The following NTF3 variants were observed in gnomAD, a reference collection of about 807,000 sequenced individuals.
NTF3 encodes the protein neurotrophin 3.
Under a neutral mutation model 26.3 loss-of-function variants are expected in NTF3, and 8 were observed. The observed-to-expected ratio is 0.30, with a 90% confidence interval of 0.18 to 0.55. NTF3 has a LOEUF of 0.55. Ranked by LOEUF, NTF3 falls within the 20% of genes least tolerant of loss-of-function variation. The pLI is 0.93. For missense variants in NTF3, 276 were observed against 352.9 expected (o/e 0.78, Z 1.75); for synonymous variants, 154 against 145.5 (o/e 1.06, Z -0.42).
In NTF3 at chr12:5,456,852, G is replaced by C. The variant is rs1167029627; in HGVS notation, c.18+24510G>C. On this transcript the variant is annotated intron_variant, in intron 1 of 1. Coordinates refer to ENST00000423158, the MANE Select transcript of NTF3 (RefSeq NM_001102654.2). The surrounding 1 kb of genome is among the most constrained non-coding windows in gnomAD (Gnocchi z 4.4). Reference sequence around the variant, plus strand: ...AGTGATTTGGGCCCGAGTTGACCCAGAGTCCCTAAATGACTGCTGTGTAGC... The same window carrying C: ...AGTGATTTGGGCCCGAGTTGACCCACAGTCCCTAAATGACTGCTGTGTAGC... Among the ~76,000 whole-genome samples the C allele has an allele frequency of 6.6e-6, 1 of 152,206 alleles. No homozygotes were observed. Among genetic ancestry groups the C allele is most frequent in the Non-Finnish European group, 1.5e-5 (1 of 68,040 alleles).
At chr12:5,476,635 C>T (rs1246873658) in intron 1 of NTF3, among the ~76,000 whole-genome samples, 1 of 152,072 alleles carries the variant, frequency 6.6e-6, no homozygotes, top group Non-Finnish European at 1.5e-5. Context: ...ATAGCACACC[C>T]GTAGTAAGCT....
intron 1 of NTF3, among the ~76,000 whole-genome samples, chr12:5,474,566 C>T (rs375877089): frequency 3.9e-5 from 6 of 152,020 alleles, no homozygotes; most frequent in Non-Finnish European, 7.4e-5. Context: ...AGGAGCCAGA[C>T]GATGAAGGGC....
At chr12:5,438,816 T>C (rs1233863524) in intron 1 of NTF3, among the ~76,000 whole-genome samples, 1 of 152,210 alleles carries the variant, frequency 6.6e-6, no homozygotes, top group Non-Finnish European at 1.5e-5. Context: ...CATCTGTAAA[T>C]GAAGGGCTTG....
intron 1 of NTF3, among the ~76,000 whole-genome samples, chr12:5,477,763 A>C (rs1940742101): frequency 6.6e-6 from 1 of 152,146 alleles, no homozygotes; most frequent in Non-Finnish European, 1.5e-5. Context: ...GGGATGTTTG[A>C]GAAGATTAAT....
chr12:5,442,467 A>C (rs138996782), intron 1 of NTF3, among the ~76,000 whole-genome samples: 164 of 152,202 alleles, frequency 1.1e-3, no homozygotes, highest in African/African-American at 3.5e-3. Flanking sequence ...TACTTCTCAG[A>C]AGTATCCCTG....
At chr12:5,470,085 T>C (rs901060089) in intron 1 of NTF3, among the ~76,000 whole-genome samples, 1 of 152,124 alleles carries the variant, frequency 6.6e-6, no homozygotes, top group African/African-American at 2.4e-5. Flanking sequence ...CCACCATGCC[T>C]GGCTAATTTT....
rs1591610660 is a variant in NTF3, at chr12:5,494,162, G to A, written c.19-32G>A. The A allele has an allele frequency of 6.3e-7, 1 of 1,598,830 alleles. No individual in the cohort carries two copies. Among genetic ancestry groups the A allele is most frequent in the East Asian group, 2.2e-5 (1 of 44,806 alleles). ...GAATAACACAGACTCAGCTGCCAGA[G>A]CCTGCTCTTAACACCTGTGTTTCCT... On this transcript the variant is annotated intron_variant, in intron 1 of 1. Coordinates refer to ENST00000423158, the MANE Select transcript of NTF3 (RefSeq NM_001102654.2). The surrounding 1 kb of genome is among the most constrained non-coding windows in gnomAD (Gnocchi z 8.3).
chr12:5,482,176 GCA>G (rs200425666), intron 1 of NTF3, among the ~76,000 whole-genome samples: 1 of 151,900 alleles, frequency 6.6e-6, no homozygotes, highest in Admixed American at 6.6e-5. Context: ...ACACGAGCGC[GCA>G]CACACACACA....
intron 1 of NTF3, among the ~76,000 whole-genome samples, chr12:5,457,550 G>A (rs192048551): frequency 5.3e-4 from 80 of 152,100 alleles, no homozygotes; most frequent in African/African-American, 1.9e-3. Context: ...TATCTGACCT[G>A]GGCTCTCCTC....
chr12:5,472,149 T>G (rs1347218675), intron 1 of NTF3, among the ~76,000 whole-genome samples: 4 of 152,170 alleles, frequency 2.6e-5, no homozygotes, highest in Non-Finnish European at 5.9e-5. Context: ...TTAATGGGAA[T>G]GATTTGACAT....
chr12:5,454,188 C>T (rs1940409301), intron 1 of NTF3, among the ~76,000 whole-genome samples: 4 of 152,208 alleles, frequency 2.6e-5, no homozygotes, highest in Non-Finnish European at 1.5e-5. Context: ...GCAGCTGCCC[C>T]ACGCCTTCTC....
chr12:5,490,472 G>A (rs186198360), intron 1 of NTF3, among the ~76,000 whole-genome samples: 17 of 152,302 alleles, frequency 1.1e-4, no homozygotes, highest in African/African-American at 3.8e-4. Context: ...GAGAAAGAGC[G>A]TAGACATTCC....
intron 1 of NTF3, among the ~76,000 whole-genome samples, chr12:5,481,536 T>A (rs55684000): frequency 3.5e-3 from 43 of 12,462 alleles, no homozygotes; most frequent in South Asian, 9.8e-3. Context: ...ACAGACACAT[T>A]CACAGAATAC....
At chr12:5,486,669 C>G (rs1024935902) in intron 1 of NTF3, among the ~76,000 whole-genome samples, 6 of 152,190 alleles carry the variant, frequency 3.9e-5, no homozygotes, top group Admixed American at 2.0e-4. Context: ...TCCAGCTGTA[C>G]CTTCAGCTGC....
At chr12:5,442,026 A>G (rs1017599877) in intron 1 of NTF3, among the ~76,000 whole-genome samples, 1 of 152,198 alleles carries the variant, frequency 6.6e-6, no homozygotes, top group Non-Finnish European at 1.5e-5. Context: ...ACGTGTACAG[A>G]TTATTCATTA....
In NTF3 at chr12:5,494,082, C is replaced by T. The variant is rs887423751; in HGVS notation, c.19-112C>T. On this transcript the variant is annotated intron_variant, in intron 1 of 1. Transcript: ENST00000423158. This position sits in a 1 kb window ranked among gnomAD's most constrained non-coding sequence, Gnocchi z 8.3. ...GGAGTTGCCTTGCTTACCTGGGGGG[C>T]GGTACCCTCTCTCGTGCCCTCACAG... is the stretch of plus-strand genomic sequence containing the variant. The T allele has an allele frequency of 9.5e-6, 9 of 948,452 alleles. No homozygotes were observed. The highest frequency in any genetic ancestry group is 3.4e-4 in the Middle Eastern group (1 of 2,974). 58.8% of individuals were successfully genotyped at this position (948,452 alleles called of 1,614,324 possible).
At chr12:5,444,043 T>C (rs1217256391) in intron 1 of NTF3, among the ~76,000 whole-genome samples, 1 of 151,428 alleles carries the variant, frequency 6.6e-6, no homozygotes, top group Non-Finnish European at 1.5e-5. Context: ...TTTTGGCTCT[T>C]GTCTGAATCA....
At chr12:5,465,566 C>A (rs1051765142) in intron 1 of NTF3, among the ~76,000 whole-genome samples, 2 of 152,246 alleles carry the variant, frequency 1.3e-5, no homozygotes, top group Non-Finnish European at 2.9e-5. Context: ...GCACAGCAGG[C>A]ATATATCATG....
chr12:5,475,061 G>C (rs930879545), intron 1 of NTF3, among the ~76,000 whole-genome samples: 1 of 152,194 alleles, frequency 6.6e-6, no homozygotes, highest in Admixed American at 6.5e-5. Flanking sequence ...TATGGGTTTG[G>C]AGTATAGGAC....
Sources: allele counts gnomAD v4.1 joint callset (sites outside exome capture counted in the v4.1 genomes callset), GRCh38; gene constraint gnomAD v4.1.1; non-coding constraint Gnocchi (gnomAD v3.1); transcripts MANE v1.5; gene names NCBI Gene and HGNC (gene_info 2026-07-23, HGNC 2026-07-21).